ZSWIM7: variants seen among roughly 807,000 people sequenced by gnomAD.
ZSWIM7 encodes zinc finger SWIM domain-containing protein 7.
Under a neutral mutation model 21.1 loss-of-function variants are expected in ZSWIM7, and 22 were observed. That is an observed-to-expected ratio of 1.04 (90% CI 0.74 to 1.49). The LOEUF is 1.49. Among genes scored for constraint, ZSWIM7 ranks in the 40% most tolerant of loss-of-function variants. The probability of loss-of-function intolerance (pLI) is 0.00; values close to 1 mark genes in which losing one functional copy is unlikely to be tolerated. For missense variants in ZSWIM7, 193 were observed against 168.0 expected (o/e 1.15, Z -0.82); for synonymous variants, 67 against 66.5 (o/e 1.01, Z -0.04).
At chr17:15,993,215 G>T (rs1970507170) in intron 2 of ZSWIM7, among the ~76,000 whole-genome samples, 1 of 151,318 alleles carries the variant, frequency 6.6e-6, no homozygotes, top group Non-Finnish European at 1.5e-5. Context: ...GTAGAGATGG[G>T]GGGTCTCCCT....
At chr17:15,994,029 A>G (rs1315469001) in intron 1 of ZSWIM7, among the ~76,000 whole-genome samples, 1 of 151,988 alleles carries the variant, frequency 6.6e-6, no homozygotes, top group Non-Finnish European at 1.5e-5. Context: ...GCTCACTGCA[A>G]CCTCCGCCTC....
chr17:15,993,732 C>A (rs763018971), intron 2 of ZSWIM7, 25 bp downstream of exon 2: 9 of 1,429,738 alleles, frequency 6.3e-6, no homozygotes, highest in South Asian at 2.4e-5. Flanking sequence ...AAAAAAAAAT[C>A]AAATACAACA....
chr17:15,999,400 C>T (rs1248328564), intron 1 of ZSWIM7, 119 bp downstream of exon 1: 1 of 1,269,352 alleles, frequency 7.9e-7, no homozygotes, highest in South Asian at 1.3e-5. Flanking sequence ...GTTTAGAGAA[C>T]CACATGGAAA....
Position 15,995,997 on chromosome 17 carries a change from T to C in ZSWIM7, c.77-2219A>G, listed in dbSNP as rs2151632146. Among the ~76,000 whole-genome samples, 3 of 152,172 alleles carry C rather than the reference T, an allele frequency of 2.0e-5. 1 individual carries two copies. The Middle Eastern group carries it at 0.01, about 521-fold the overall frequency. On this transcript the variant is annotated intron_variant, in intron 1 of 4. Transcript: ENST00000399277. ...TAGAAGCTAAGATGTAGTGGAAAAA[T>C]GTTTTCAGATGTCTGAAGAAATATT... is the stretch of plus-strand genomic sequence containing the variant.
intron 1 of ZSWIM7, among the ~76,000 whole-genome samples, chr17:15,996,525 C>T (rs910123383): frequency 1.3e-5 from 2 of 151,942 alleles, no homozygotes; most frequent in African/African-American, 4.8e-5. Context: ...GATTGCGCAA[C>T]TGTACTCTAG....
intron 4 of ZSWIM7, 85 bp from the exon 5 acceptor site, chr17:15,978,248 T>G: frequency 5.2e-6 from 5 of 966,982 alleles, no homozygotes; most frequent in Middle Eastern, 2.1e-4. Flanking sequence ...TACCATCTTA[T>G]TTGGCAGGAG....
intron 1 of ZSWIM7, among the ~76,000 whole-genome samples, chr17:15,996,939 T>A (rs1366561154): frequency 6.6e-6 from 1 of 151,598 alleles, no homozygotes; most frequent in Non-Finnish European, 1.5e-5. Flanking sequence ...CAGGTGGACC[T>A]CTTGAGCTCC....
Position 15,976,626 on chromosome 17 carries a change from T to C in ZSWIM7, c.*1421A>G, listed in dbSNP as rs751713667. ...GCACTTTTTAACAAAACAAAAAGCA[T>C]CTGCCAACCACAGAACATTGCAACA... On this transcript the variant is annotated 3_prime_UTR_variant, in exon 5 of 5. Coordinates refer to ENST00000399277, the MANE Select transcript of ZSWIM7 (RefSeq NM_001042697.2). 5 of 152,164 alleles carry C rather than the reference T, an allele frequency of 3.3e-5. No homozygotes were observed. The highest frequency in any genetic ancestry group is 5.9e-5 in the Non-Finnish European group (4 of 68,018). The allele number at this position is 152,164 out of a possible 1,614,324, so 9.4% of individuals were successfully genotyped here.
intron 3 of ZSWIM7, among the ~76,000 whole-genome samples, chr17:15,986,023 T>C (rs773683370): frequency 6.6e-6 from 1 of 151,838 alleles, no homozygotes; most frequent in Non-Finnish European, 1.5e-5. Flanking sequence ...GACAATACCA[T>C]CCAAGTTTTT....
chr17:15,993,019 C>G (rs1353786487), intron 2 of ZSWIM7, among the ~76,000 whole-genome samples: 2 of 152,022 alleles, frequency 1.3e-5, no homozygotes, highest in Non-Finnish European at 2.9e-5. Flanking sequence ...GCTGAGATTA[C>G]AGGTGTGTGC....
At chr17:15,979,288 A>G (rs1328899410) in intron 4 of ZSWIM7, among the ~76,000 whole-genome samples, 2 of 151,912 alleles carry the variant, frequency 1.3e-5, no homozygotes, top group Non-Finnish European at 2.9e-5. Context: ...CATGTTTCAG[A>G]GAGCACAGGG....
At chr17:15,991,245 TCTC>T (rs1230204165) in intron 2 of ZSWIM7, 1 of 150,918 alleles carries the variant, frequency 6.6e-6, no homozygotes, top group Non-Finnish European at 1.5e-5. Context: ...TCATTTTTAT[TCTC>T]CTCAAACTCC....
intron 2 of ZSWIM7, among the ~76,000 whole-genome samples, chr17:15,993,343 TTTTATTTTATTTATTTA>T (rs1458487110): frequency 7.5e-6 from 1 of 133,218 alleles, no homozygotes; most frequent in African/African-American, 2.8e-5. Context: ...TATTTTTATT[TTTTATTTTATTTATTTA>T]TTTATTTATT....
Position 15,977,065 on chromosome 17 carries a change from C to G in ZSWIM7, c.*982G>C, listed in dbSNP as rs768403330. On this transcript the variant is annotated 3_prime_UTR_variant, in exon 5 of 5. Coordinates refer to ENST00000399277, the MANE Select transcript of ZSWIM7 (RefSeq NM_001042697.2). ...GTACCTGTAGTTTCCTTCCAGGACACGATTTTTAGTCTGTTCCTTCAATTG... is the reference window on the plus strand; with the variant it reads ...GTACCTGTAGTTTCCTTCCAGGACAGGATTTTTAGTCTGTTCCTTCAATTG... 3.3e-5 allele frequency: 5 copies of G among 152,070 alleles called. No individual in the cohort carries two copies. Among genetic ancestry groups the G allele is most frequent in the Non-Finnish European group, 7.4e-5 (5 of 68,014 alleles). The allele number at this position is 152,070 out of a possible 1,614,324, so 9.4% of individuals were successfully genotyped here.
intron 3 of ZSWIM7, 55 bp from the exon 4 acceptor site, chr17:15,981,199 C>T: frequency 7.5e-7 from 1 of 1,336,928 alleles, no homozygotes; most frequent in Non-Finnish European, 1.1e-6. Flanking sequence ...AAAACCACCT[C>T]TTTCCCTTTT....
At chr17:15,982,733 C>G (rs937119270) in intron 3 of ZSWIM7, among the ~76,000 whole-genome samples, 1 of 152,150 alleles carries the variant, frequency 6.6e-6, no homozygotes, top group African/African-American at 2.4e-5. Context: ...TCATTGCAGT[C>G]TTGAATCCCT....
chr17:15,987,734 C>G (rs1970432945), intron 2 of ZSWIM7, among the ~76,000 whole-genome samples: 1 of 152,080 alleles, frequency 6.6e-6, no homozygotes, highest in Non-Finnish European at 1.5e-5. Flanking sequence ...CCTCAGCCTC[C>G]CAAGTAGCTG....
At chr17:15,979,930 G>T (rs1397601175) in intron 4 of ZSWIM7, among the ~76,000 whole-genome samples, 1 of 90,520 alleles carries the variant, frequency 1.1e-5, no homozygotes, top group African/African-American at 5.5e-5. Flanking sequence ...CCTCCCTCCC[G>T]GACGGGGCGG....
At position 15,977,820 on chromosome 17, in the gene ZSWIM7, C is replaced by T; in HGVS notation, c.*227G>A. The T allele has an allele frequency of 2.4e-6, 1 of 415,572 alleles. No homozygotes were observed. Among genetic ancestry groups the T allele is most frequent in the Non-Finnish European group, 4.4e-6 (1 of 227,518 alleles). The allele number at this position is 415,572 out of a possible 1,614,324, so 25.7% of individuals were successfully genotyped here. A position where few individuals can be genotyped will look rare whatever the true frequency, so the allele number is the denominator to read the frequency against. On this transcript the variant is annotated 3_prime_UTR_variant, in exon 5 of 5. Transcript: ENST00000399277. Reference sequence around the variant, plus strand: ...TTTACCGAAGCGTCTCAGAGACTGGCTCAGGGTATTTCTTGACAAGACTGT... The same window carrying T: ...TTTACCGAAGCGTCTCAGAGACTGGTTCAGGGTATTTCTTGACAAGACTGT...
Sources: gnomAD v4.1 joint callset for allele counts (sites outside exome capture counted in the v4.1 genomes callset) on GRCh38, gnomAD v4.1.1 for gene constraint, MANE v1.5 for transcripts, NCBI Gene and HGNC (gene_info 2026-07-23, HGNC 2026-07-21) for gene names.